Variants in VAC14 observed in about 807,000 individuals in gnomAD.
VAC14 encodes the protein VAC14 component of PIKFYVE complex.
In VAC14, 47 loss-of-function variants were observed where a neutral mutation model predicts 85.3. The observed-to-expected ratio is 0.55, with a 90% CI of 0.44 to 0.70. The LOEUF (loss-of-function observed/expected upper bound fraction) is 0.70, where lower values mean the gene tolerates loss of function less well. Among genes scored for constraint, VAC14 ranks in the 30% least tolerant of loss-of-function variants. The pLI is 0.00. For synonymous variants in VAC14, 447 were observed against 430.5 expected (o/e 1.04, Z -0.47); for missense variants, 861 against 1,004.3 (o/e 0.86, Z 1.93).
At chr16:70,710,754 G>A (rs912870689) in intron 14 of VAC14, among the ~76,000 whole-genome samples, 4 of 152,212 alleles carry the variant, frequency 2.6e-5, no homozygotes, top group African/African-American at 4.8e-5. Flanking sequence ...TTGAAGCCAC[G>A]GACCCAACTT....
chr16:70,729,521 C>CA (rs912208824), intron 14 of VAC14, among the ~76,000 whole-genome samples: 17 of 152,272 alleles, frequency 1.1e-4, no homozygotes, highest in African/African-American at 3.9e-4. Flanking sequence ...TCAACTCCCC[C>CA]AGCAGCATTC....
intron 13 of VAC14, among the ~76,000 whole-genome samples, chr16:70,739,141 C>A (rs1045297400): frequency 1.4e-4 from 22 of 152,196 alleles, no homozygotes; most frequent in Non-Finnish European, 3.2e-4. Context: ...AGCCCCCAGG[C>A]ACCCCAGCAC....
chr16:70,772,915 T>C (rs2033318151), intron 9 of VAC14: 1 of 152,206 alleles, frequency 6.6e-6, no homozygotes, highest in Non-Finnish European at 1.5e-5. Flanking sequence ...GATGAAGTAC[T>C]GATGCACGCC....
chr16:70,781,759 T>C lies in VAC14; in HGVS notation c.946+110A>G, dbSNP rs536257351. On this transcript the variant is annotated intron_variant, in intron 8 of 18. Coordinates refer to ENST00000261776, the MANE Select transcript of VAC14 (RefSeq NM_018052.5). ...CTTTTTCCCGAGCTGCTAGGGACTA[T>C]GGAAGTGTGATGGATCCTAAGAGAG... The C allele has an allele frequency of 4.6e-5, 66 of 1,442,198 alleles. No homozygotes were observed. The African/African-American group carries it at 7.2e-4, about 16-fold the overall frequency. 89.3% of individuals were successfully genotyped at this position (1,442,198 alleles called of 1,614,324 possible).
At chr16:70,740,162 T>C (rs775691780) in intron 13 of VAC14, among the ~76,000 whole-genome samples, 1 of 152,182 alleles carries the variant, frequency 6.6e-6, no homozygotes, top group Non-Finnish European at 1.5e-5. Flanking sequence ...GGTTTCACCA[T>C]GCTGGCCAGG....
intron 14 of VAC14, among the ~76,000 whole-genome samples, chr16:70,701,391 C>G (rs1439859239): frequency 2.0e-5 from 3 of 152,186 alleles, no homozygotes; most frequent in Non-Finnish European, 4.4e-5. Context: ...CCCTCCTCAT[C>G]TCAGTAAACG....
At chr16:70,733,916 G>A (rs1011175071) in intron 13 of VAC14, among the ~76,000 whole-genome samples, 16 of 152,068 alleles carry the variant, frequency 1.1e-4, no homozygotes, top group African/African-American at 2.9e-4. Context: ...ACCTCCGCCC[G>A]GGTTCAAGCA....
chr16:70,794,584 C>A (rs1285499000), intron 1 of VAC14, among the ~76,000 whole-genome samples: 1 of 152,220 alleles, frequency 6.6e-6, no homozygotes, highest in Admixed American at 6.5e-5. Flanking sequence ...GCAAAGCTCC[C>A]GACGATTTGC....
chr16:70,693,117 G>C, intron 17 of VAC14, 146 bp from the exon 18 acceptor site: 1 of 1,130,636 alleles, frequency 8.8e-7, no homozygotes, highest in Non-Finnish European at 1.2e-6. Context: ...TGTGGACCCA[G>C]CCAGGTGGCT....
intron 3 of VAC14, 90 bp from the exon 4 acceptor site, chr16:70,784,928 G>T: frequency 8.8e-7 from 1 of 1,137,158 alleles, no homozygotes; most frequent in Non-Finnish European, 1.3e-6. Flanking sequence ...CGCAGCCGAG[G>T]CCTTGGTGCA....
chr16:70,743,521 T>C (rs1349071908), intron 13 of VAC14, among the ~76,000 whole-genome samples: 2 of 152,200 alleles, frequency 1.3e-5, no homozygotes, highest in Non-Finnish European at 2.9e-5. Flanking sequence ...GGCTTCATTC[T>C]TGAAGTCAGC....
In VAC14 at chr16:70,800,883, A is replaced by T; in HGVS notation, c.18T>A (p.Asp6Glu). The change falls in exon 1 of 19, where the codon GAT becomes GAA. Residue 6 changes from aspartate to glutamate, a missense_variant. By Grantham distance (45) the Asp-to-Glu change is conservative. This residue lies in a region of VAC14 where 629 missense variants were observed against 703.1 expected (regional missense o/e 0.89). Coordinates refer to ENST00000261776, the MANE Select transcript of VAC14 (RefSeq NM_018052.5). Reference protein sequence around the residue: MNPEKDFAPLTPNIVR... With the variant: MNPEKEFAPLTPNIVR... Reference sequence around the variant, plus strand: ...CGATGTTAGGCGTGAGCGGCGCGAAATCCTTCTCGGGGTTCATGGTGGCAG... The same window carrying T: ...CGATGTTAGGCGTGAGCGGCGCGAATTCCTTCTCGGGGTTCATGGTGGCAG... 1 of 1,597,994 alleles carries T rather than the reference A, an allele frequency of 6.3e-7. No individual in the cohort carries two copies.
rs921178167 is a variant in VAC14, at chr16:70,708,866, C to T, written c.1662-10055G>A. ...CCCCTGCCTGGAGACCATTGTCCCC[C>T]GGCCATGAAGCCTTGGCACGGCCGC... On this transcript the variant is annotated intron_variant, in intron 14 of 18. Coordinates refer to ENST00000261776, the MANE Select transcript of VAC14 (RefSeq NM_018052.5). 6.6e-5 allele frequency among the ~76,000 whole-genome samples: 10 copies of T among 152,184 alleles called. No individual in the cohort carries two copies. The East Asian group carries it at 9.6e-4, about 15-fold the overall frequency.
At chr16:70,712,919 G>C (rs2142996341) in intron 14 of VAC14, among the ~76,000 whole-genome samples, 2 of 152,286 alleles carry the variant, frequency 1.3e-5, no homozygotes, top group Non-Finnish European at 2.9e-5. Flanking sequence ...ACCTCCCCAG[G>C]GCATGGGTGC....
At chr16:70,743,846 G>C (rs995887951) in intron 13 of VAC14, among the ~76,000 whole-genome samples, 1 of 152,194 alleles carries the variant, frequency 6.6e-6, no homozygotes, top group Non-Finnish European at 1.5e-5. Context: ...CATTGCCAGA[G>C]GGAAGTGGCG....
intron 12 of VAC14, among the ~76,000 whole-genome samples, chr16:70,758,291 C>T (rs181891645): frequency 6.6e-4 from 100 of 152,200 alleles, no homozygotes; most frequent in Non-Finnish European, 7.9e-4. Flanking sequence ...TCTTTAAACA[C>T]GCCTATGAGG....
intron 14 of VAC14, among the ~76,000 whole-genome samples, chr16:70,726,663 A>G (rs2054437089): frequency 6.6e-6 from 1 of 152,196 alleles, no homozygotes; most frequent in Non-Finnish European, 1.5e-5. Flanking sequence ...CATCTGCCTT[A>G]GTCCTGCAAA....
chr16:70,796,396 T>C (rs12935645), intron 1 of VAC14, among the ~76,000 whole-genome samples: 19,603 of 152,250 alleles, frequency 0.13, 1,435 homozygotes, highest in African/African-American at 0.2. Context: ...TCACCTGAGC[T>C]CTGTAGAACT....
At position 70,800,878 on chromosome 16, in the gene VAC14, G is replaced by A. The variant is rs2034770306; in HGVS notation, c.23C>T (p.Ala8Val). Residue 8 changes from alanine (A) to valine (V), a missense_variant, in exon 1 of 19, where the codon GCG becomes GTG. This residue lies in a region of VAC14 where 629 missense variants were observed against 703.1 expected (regional missense o/e 0.89). Transcript: ENST00000261776. MNPEKDF[A>V]PLTPNIVRAL... is the part of the protein sequence containing the mutation. ...GCGCACGATGTTAGGCGTGAGCGGC[G>A]CGAAATCCTTCTCGGGGTTCATGGT... 1.2e-6 allele frequency: 2 copies of A among 1,602,518 alleles called. No individual in the cohort carries two copies. The highest frequency in any genetic ancestry group is 1.4e-5 in the African/African-American group (1 of 73,814).
Sources: gnomAD v4.1 joint callset for allele counts (sites outside exome capture counted in the v4.1 genomes callset) on GRCh38, gnomAD v4.1.1 for gene constraint, gnomAD v4.1.1 regional missense constraint, MANE v1.5 for transcripts, NCBI Gene and HGNC (gene_info 2026-07-23, HGNC 2026-07-21) for gene names.